The following TTC27 variants were observed in gnomAD, a reference collection of about 807,000 sequenced individuals.
TTC27 encodes the protein tetratricopeptide repeat domain 27.
TTC27 carries 79 observed loss-of-function variants against 115.9 expected under a neutral mutation model. That is an observed-to-expected ratio of 0.68 (90% CI 0.57 to 0.82). The LOEUF is 0.82. Ranked by LOEUF, TTC27 falls within the 40% of genes least tolerant of loss-of-function variation. TTC27 has a pLI of 0.00. For missense variants in TTC27, 1,054 were observed against 993.1 expected (o/e 1.06, Z -0.82); for synonymous variants, 401 against 356.0 (o/e 1.13, Z -1.42).
At chr2:32,637,516 A>AAATTTT (rs1664474133) in intron 3 of TTC27, among the ~76,000 whole-genome samples, 1 of 152,084 alleles carries the variant, frequency 6.6e-6, no homozygotes, top group Non-Finnish European at 1.5e-5. Flanking sequence ...ATTTTTTAAT[A>AAATTTT]GAGACGGGGT....
At chr2:32,781,006 A>G (rs1670157789) in intron 14 of TTC27, among the ~76,000 whole-genome samples, 1 of 152,216 alleles carries the variant, frequency 6.6e-6, no homozygotes, top group South Asian at 2.1e-4. Flanking sequence ...AAGTTTTATT[A>G]AAAGGAGAAA....
At chr2:32,744,941 A>G (rs770689526) in intron 12 of TTC27, among the ~76,000 whole-genome samples, 82 of 150,128 alleles carry the variant, frequency 5.5e-4, no homozygotes, top group Non-Finnish European at 8.6e-4. Flanking sequence ...CCAGCTACTC[A>G]GGAGGCTGAG....
intron 16 of TTC27, among the ~76,000 whole-genome samples, chr2:32,793,167 C>T (rs1344284076): frequency 6.6e-6 from 1 of 152,120 alleles, no homozygotes; most frequent in African/African-American, 2.4e-5. Flanking sequence ...AAATCTGTCA[C>T]ATACAAAGAA....
At chr2:32,693,942 C>A (rs1242553094) in intron 9 of TTC27, among the ~76,000 whole-genome samples, 1 of 152,088 alleles carries the variant, frequency 6.6e-6, no homozygotes, top group Admixed American at 6.6e-5. Context: ...TTAAATAAAA[C>A]TAATAAATAA....
At position 32,664,396 on chromosome 2, in the gene TTC27, A is replaced by C. The variant is rs1665686012; in HGVS notation, c.734A>C (p.Tyr245Ser). 1 of 1,612,524 alleles carries C rather than the reference A, an allele frequency of 6.2e-7. No homozygotes were observed. Among genetic ancestry groups the C allele is most frequent in the South Asian group, 1.1e-5 (1 of 90,648 alleles). The stretch of plus-strand genomic sequence containing the variant: ...TGTGCATATGTGTTTTTATATTATT[A>C]TGAGTACAGAAAAGCAAAAGATCAG... ...LECAYVFLYY[Y>S]EYRKAKDQLD... Residue 245 changes from tyrosine (Y) to serine (S), a missense_variant, in exon 6 of 20, where the codon TAT becomes TCT. Coordinates refer to ENST00000317907, the MANE Select transcript of TTC27 (RefSeq NM_017735.5).
intron 10 of TTC27, among the ~76,000 whole-genome samples, chr2:32,714,465 C>G (rs1367724670): frequency 6.6e-6 from 1 of 152,064 alleles, no homozygotes; most frequent in East Asian, 1.9e-4. Flanking sequence ...GCCAGGCCTA[C>G]CCCATTTTCT....
chr2:32,712,881 C>A (rs1396988857), intron 10 of TTC27, among the ~76,000 whole-genome samples: 1 of 152,146 alleles, frequency 6.6e-6, no homozygotes, highest in African/African-American at 2.4e-5. Flanking sequence ...ATCAGAAGAT[C>A]ACATCCTTTT....
At position 32,628,160 on chromosome 2, in the gene TTC27, G is replaced by A; in HGVS notation, c.-133G>A. The A allele has an allele frequency of 1.3e-6, 1 of 796,132 alleles. No homozygotes were observed. The highest frequency in any genetic ancestry group is 2.1e-6 in the Non-Finnish European group (1 of 487,644). 49.3% of individuals were successfully genotyped at this position (796,132 alleles called of 1,614,324 possible). ...TAGTATCCGCACATGGAATTCTAGG[G>A]CCGCAGGTGTATTTACGGTAACTGT... On this transcript the variant is annotated 5_prime_UTR_variant, in exon 1 of 20. Coordinates refer to ENST00000317907, the MANE Select transcript of TTC27 (RefSeq NM_017735.5).
At position 32,640,422 on chromosome 2, in the gene TTC27, A is replaced by T. The variant is rs746388233; in HGVS notation, c.537+12A>T. 6.2e-7 allele frequency: 1 copy of T among 1,612,236 alleles called. No individual in the cohort carries two copies. The highest frequency in any genetic ancestry group is 8.5e-7 in the Non-Finnish European group (1 of 1,179,588). ...TGACAGCTATTCAGGTAAGGAAAGG[A>T]TCCATGAGATTCATACCCTGGTATG... is the stretch of plus-strand genomic sequence containing the variant. On this transcript the variant is annotated intron_variant, in intron 4 of 19. Coordinates refer to ENST00000317907, the MANE Select transcript of TTC27 (RefSeq NM_017735.5).
chr2:32,706,855 G>A (rs6721718), intron 10 of TTC27, among the ~76,000 whole-genome samples: 26,098 of 152,164 alleles, frequency 0.17, 2,754 homozygotes, highest in South Asian at 0.36. Flanking sequence ...GAGCCACTGC[G>A]CCTGGCCCCC....
intron 9 of TTC27, among the ~76,000 whole-genome samples, chr2:32,684,081 C>G (rs904170098): frequency 1.3e-5 from 2 of 152,060 alleles, no homozygotes; most frequent in Non-Finnish European, 2.9e-5. Flanking sequence ...TTGCTTGAAC[C>G]CGGGAGGCGG....
At chr2:32,684,444 CA>C (rs568992088) in intron 9 of TTC27, among the ~76,000 whole-genome samples, 249 of 141,934 alleles carry the variant, frequency 1.8e-3, no homozygotes, top group African/African-American at 3.6e-3. Context: ...AAACAAGTTT[CA>C]AAAAAAAAAA....
At chr2:32,659,918 A>T (rs1484106697) in intron 5 of TTC27, among the ~76,000 whole-genome samples, 1 of 152,058 alleles carries the variant, frequency 6.6e-6, no homozygotes, top group African/African-American at 2.4e-5. Flanking sequence ...TCTATCATTG[A>T]TGGGCATTTG....
chr2:32,649,692 C>A (rs781410040), intron 4 of TTC27, among the ~76,000 whole-genome samples: 5 of 151,938 alleles, frequency 3.3e-5, no homozygotes, highest in Non-Finnish European at 7.4e-5. Context: ...ACTACAGGCG[C>A]CTGCCACCAC....
intron 12 of TTC27, among the ~76,000 whole-genome samples, chr2:32,753,090 C>G (rs1384602955): frequency 6.6e-6 from 1 of 152,130 alleles, no homozygotes; most frequent in Non-Finnish European, 1.5e-5. Flanking sequence ...GTCTCGGACA[C>G]TTGGGGACTG....
At chr2:32,668,407 C>G (rs1665871278) in intron 7 of TTC27, among the ~76,000 whole-genome samples, 1 of 151,244 alleles carries the variant, frequency 6.6e-6, no homozygotes, top group Non-Finnish European at 1.5e-5. Flanking sequence ...AAAATTATCT[C>G]CTGGTGATAA....
chr2:32,690,668 A>G (rs1038642250), intron 9 of TTC27, among the ~76,000 whole-genome samples: 17 of 152,218 alleles, frequency 1.1e-4, no homozygotes, highest in Admixed American at 6.5e-4. Context: ...GTTGAGGGTA[A>G]TAGTGAGACT....
intron 5 of TTC27, among the ~76,000 whole-genome samples, chr2:32,659,626 T>C (rs1291644471): frequency 1.3e-5 from 2 of 152,074 alleles, no homozygotes; most frequent in East Asian, 3.9e-4. Context: ...CATGGTGGTT[T>C]GCTGCATCCA....
chr2:32,651,063 C>T (rs1325249842), intron 5 of TTC27, among the ~76,000 whole-genome samples: 1 of 151,938 alleles, frequency 6.6e-6, no homozygotes, highest in African/African-American at 2.4e-5. Context: ...AATATGTGAA[C>T]GTAAATGAAC....
Sources: allele counts gnomAD v4.1 joint callset (sites outside exome capture counted in the v4.1 genomes callset), GRCh38; gene constraint gnomAD v4.1.1; transcripts MANE v1.5; gene names NCBI Gene and HGNC (gene_info 2026-07-23, HGNC 2026-07-21).